The following SPATA31H1 variants were observed in gnomAD, a reference collection of about 807,000 sequenced individuals.
The protein encoded by SPATA31H1 is SPATA31 subfamily H member 1, also known as spermatogenesis-associated protein 31H1.
chr2:27,549,952 C>G, the SPATA31H1 span, among the ~76,000 whole-genome samples: 1 of 152,022 alleles, frequency 6.6e-6, no homozygotes, highest in East Asian at 1.9e-4. Flanking sequence ...CAACCATACC[C>G]AGCCTTAAAT....
chr2:27,568,688 C>G, the SPATA31H1 span: 113,382 of 398,782 alleles, frequency 0.28, 18,873 homozygotes, highest in East Asian at 0.56. Context: ...CGGAGTTGGC[C>G]CCAAAGCCAT....
At chr2:27,577,925 A>G in the SPATA31H1 span, 1 of 1,614,016 alleles carries the variant, frequency 6.2e-7, no homozygotes, top group Non-Finnish European at 8.5e-7. This position sits in a 1 kb window ranked among gnomAD's most constrained non-coding sequence, Gnocchi z 4.5. Context: ...TGGGGCTAAC[A>G]AAGTCAAAGA....
chr2:27,542,592 G>A, the SPATA31H1 span, among the ~76,000 whole-genome samples: 2 of 151,402 alleles, frequency 1.3e-5, no homozygotes, highest in African/African-American at 4.9e-5. Context: ...CGCCAGCCTA[G>A]ACCTAGATCT....
the SPATA31H1 span, among the ~76,000 whole-genome samples, chr2:27,563,385 C>CTTT: frequency 0.18 from 12,053 of 68,684 alleles, 4,009 homozygotes; most frequent in Admixed American, 0.26. Flanking sequence ...TCTTCTACTT[C>CTTT]TTTTTTTTTT....
At chr2:27,569,171 A>G in the SPATA31H1 span, 1 of 398,890 alleles carries the variant, frequency 2.5e-6, no homozygotes, top group South Asian at 1.3e-4. Context: ...CAGTATCACA[A>G]CACACAACAA....
the SPATA31H1 span, among the ~76,000 whole-genome samples, chr2:27,548,038 G>A: frequency 7.3e-6 from 1 of 137,210 alleles, no homozygotes; most frequent in African/African-American, 2.8e-5. Context: ...CTGGAGTGTA[G>A]TGGCACAGTC....
the SPATA31H1 span, chr2:27,580,339 T>C: frequency 6.2e-7 from 1 of 1,614,092 alleles, no homozygotes; most frequent in Non-Finnish European, 8.5e-7. Flanking sequence ...CACTATGAAT[T>C]CACTCAAGTT....
the SPATA31H1 span, chr2:27,581,429 G>C: frequency 6.2e-7 from 1 of 1,614,082 alleles, no homozygotes; most frequent in Non-Finnish European, 8.5e-7. Context: ...GTCCCCCCGA[G>C]AGGAGCTGTC....
the SPATA31H1 span, chr2:27,576,400 G>C: frequency 1.7e-6 from 1 of 580,538 alleles, no homozygotes; most frequent in East Asian, 2.8e-5. Flanking sequence ...CATAATGTGA[G>C]ATCTGTGGTA....
At chr2:27,539,944 G>A in the SPATA31H1 span, among the ~76,000 whole-genome samples, 4 of 128,866 alleles carry the variant, frequency 3.1e-5, no homozygotes, top group African/African-American at 1.2e-4. Context: ...CCTCCCGGAC[G>A]GGGCGGCTGG....
chr2:27,539,206 T>C, the SPATA31H1 span, among the ~76,000 whole-genome samples: 2 of 146,470 alleles, frequency 1.4e-5, no homozygotes, highest in African/African-American at 5.2e-5. Flanking sequence ...GGTCAGTAGA[T>C]AAACAAGTGA....
At chr2:27,581,369 C>T in the SPATA31H1 span, 2 of 1,613,622 alleles carry the variant, frequency 1.2e-6, no homozygotes, top group African/African-American at 1.3e-5. Context: ...AAAACCATTC[C>T]AGTCCTTCTG....
the SPATA31H1 span, chr2:27,566,071 T>C: frequency 1.4e-6 from 1 of 717,534 alleles, no homozygotes; most frequent in Admixed American, 2.0e-5. Context: ...AACCTCAGGA[T>C]GGCTTGCACT....
chr2:27,575,392 G>A, the SPATA31H1 span: 4 of 398,416 alleles, frequency 1.0e-5, no homozygotes, highest in Non-Finnish European at 1.3e-5. The surrounding 1 kb of genome is among the most constrained non-coding windows in gnomAD (Gnocchi z 4.1). Context: ...TCAGAATTAT[G>A]CACAGGGACA....
chr2:27,554,195 C>G, the SPATA31H1 span, among the ~76,000 whole-genome samples: 15 of 152,046 alleles, frequency 9.9e-5, 1 homozygote, highest in African/African-American at 3.4e-4. Context: ...CAATTCTCCT[C>G]TTTTCTTTCT....
the SPATA31H1 span, chr2:27,580,309 C>G: frequency 1.2e-6 from 2 of 1,614,024 alleles, no homozygotes; most frequent in African/African-American, 2.7e-5. Flanking sequence ...GTAGAAAAGA[C>G]AAAAACTAGA....
chr2:27,566,715 C>T, the SPATA31H1 span: 11 of 595,382 alleles, frequency 1.8e-5, no homozygotes, highest in Non-Finnish European at 3.4e-5. Flanking sequence ...CAAACTGAAA[C>T]ATTTCTCTTT....
At chr2:27,544,584 G>T in the SPATA31H1 span, among the ~76,000 whole-genome samples, 1 of 146,378 alleles carries the variant, frequency 6.8e-6, no homozygotes, top group Non-Finnish European at 1.5e-5. Context: ...ACCCAGGCTG[G>T]AGTACAGTGG....
At chr2:27,573,362 A>T in the SPATA31H1 span, 2 of 398,434 alleles carry the variant, frequency 5.0e-6, no homozygotes, top group Non-Finnish European at 8.9e-6. Flanking sequence ...GGATACCAGG[A>T]CCTGAGTTCC....
Sources: gnomAD v4.1 joint callset for allele counts (sites outside exome capture counted in the v4.1 genomes callset) on GRCh38, gnomAD v4.1.1 for gene constraint, Gnocchi (gnomAD v3.1) non-coding constraint, MANE v1.5 for transcripts, NCBI Gene and HGNC (gene_info 2026-07-23, HGNC 2026-07-21) for gene names.